Variants in LEKR1 observed in about 807,000 individuals in gnomAD.
LEKR1 encodes the protein protein LEKR1.
A neutral mutation model predicts 72.4 loss-of-function variants in LEKR1; 59 were observed. The observed-to-expected ratio is 0.82, with a 90% confidence interval of 0.66 to 1.01. The LOEUF (loss-of-function observed/expected upper bound fraction) is 1.01. LEKR1 is among the 50% of genes least tolerant of loss of function. The probability of loss-of-function intolerance (pLI) is 0.00; values close to 1 mark genes in which losing one functional copy is unlikely to be tolerated. For missense variants in LEKR1, 728 were observed against 759.2 expected (o/e 0.96, Z 0.48); for synonymous variants, 257 against 263.2 (o/e 0.98, Z 0.23).
chr3:157,017,962 A>G (rs9855738), intron 10 of LEKR1, among the ~76,000 whole-genome samples: 43,470 of 134,300 alleles, frequency 0.32, 8,468 homozygotes, highest in East Asian at 0.62. Context: ...AAAAAAAAAA[A>G]AAAAAAAAAA....
intron 5 of LEKR1, among the ~76,000 whole-genome samples, chr3:156,936,426 A>AACACACAC (rs561039357): frequency 1.3e-4 from 10 of 76,934 alleles, no homozygotes; most frequent in African/African-American, 5.6e-4. Flanking sequence ...GTACAATGAG[A>AACACACAC]ACACACACAC....
chr3:156,978,486 G>C (rs1729896967), intron 6 of LEKR1, among the ~76,000 whole-genome samples: 1 of 152,074 alleles, frequency 6.6e-6, no homozygotes, highest in South Asian at 2.1e-4. Flanking sequence ...CTGGGGCTGG[G>C]GTTCAGATCA....
At chr3:156,978,981 G>A (rs974203872) in intron 6 of LEKR1, among the ~76,000 whole-genome samples, 3 of 152,128 alleles carry the variant, frequency 2.0e-5, no homozygotes, top group African/African-American at 7.2e-5. Context: ...CAACAAATTG[G>A]GCCTGTCAAA....
At chr3:156,967,381 A>G (rs1314980335) in intron 6 of LEKR1, among the ~76,000 whole-genome samples, 1 of 152,216 alleles carries the variant, frequency 6.6e-6, no homozygotes, top group African/African-American at 2.4e-5. Context: ...CCTTGAAAAA[A>G]AATTAGACGA....
chr3:156,889,242 A>T (rs1720411321), intron 3 of LEKR1, among the ~76,000 whole-genome samples: 1 of 152,044 alleles, frequency 6.6e-6, no homozygotes, highest in Non-Finnish European at 1.5e-5. Context: ...TGATAGCAAG[A>T]ATTATACTAA....
intron 3 of LEKR1, among the ~76,000 whole-genome samples, chr3:156,909,991 A>G (rs1333414484): frequency 6.6e-6 from 1 of 152,142 alleles, no homozygotes; most frequent in Non-Finnish European, 1.5e-5. Context: ...AAGTTTTTAA[A>G]GATGTGAATC....
intron 3 of LEKR1, among the ~76,000 whole-genome samples, chr3:156,868,552 T>C (rs1560037562): frequency 6.6e-6 from 1 of 151,834 alleles, no homozygotes; most frequent in Non-Finnish European, 1.5e-5. Flanking sequence ...CTTACACAAA[T>C]TGGGGGTAGA....
intron 3 of LEKR1, among the ~76,000 whole-genome samples, chr3:156,914,620 G>A (rs1486194670): frequency 4.6e-5 from 7 of 152,056 alleles, no homozygotes; most frequent in African/African-American, 9.7e-5. Flanking sequence ...CTGCAAAGCC[G>A]CTGTCAATTT....
Position 157,028,087 on chromosome 3 carries a change from G to T in LEKR1, c.1369-16G>T. The T allele has an allele frequency of 6.6e-7, 1 of 1,515,282 alleles. No individual in the cohort carries two copies. Among genetic ancestry groups the T allele is most frequent in the South Asian group, 1.3e-5 (1 of 76,930 alleles). The allele number at this position is 1,515,282 out of a possible 1,614,324, so 93.9% of individuals were successfully genotyped here. ...GAAACTATCGCCTACAAGCTAATAT[G>T]AGATTTATCTTACAGATATCTGACT... On this transcript the variant is annotated splice_polypyrimidine_tract_variant and intron_variant, in intron 11 of 12. Transcript: ENST00000356539.
chr3:157,004,394 C>A lies in LEKR1; in HGVS notation c.1110-7019C>A, dbSNP rs148753349. Among the ~76,000 whole-genome samples, 387 of 152,194 alleles carry A rather than the reference C, an allele frequency of 2.5e-3. 4 individuals carry two copies. Among genetic ancestry groups the A allele is most frequent in the African/African-American group, 8.8e-3 (365 of 41,548 alleles). ...AATTATTGTTAAAGATGTCAATACC[C>A]CCTCTTAATAGCTGATAAAACAAGT... On this transcript the variant is annotated intron_variant, in intron 9 of 12. Transcript: ENST00000356539.
chr3:156,998,797 C>T (rs373191776), intron 9 of LEKR1, among the ~76,000 whole-genome samples: 9 of 152,164 alleles, frequency 5.9e-5, no homozygotes, highest in African/African-American at 2.2e-4. Flanking sequence ...TCCTCACCTG[C>T]ATTACATTAA....
intron 12 of LEKR1, among the ~76,000 whole-genome samples, chr3:157,029,602 A>G (rs1426814285): frequency 6.6e-6 from 1 of 152,180 alleles, no homozygotes; most frequent in African/African-American, 2.4e-5. Context: ...AATTAAGACA[A>G]AAAGATGATT....
intron 12 of LEKR1, among the ~76,000 whole-genome samples, chr3:157,030,781 A>T (rs1178283311): frequency 6.6e-6 from 1 of 152,138 alleles, no homozygotes; most frequent in Non-Finnish European, 1.5e-5. Flanking sequence ...CTAGGATGGG[A>T]TTGGCTTTCA....
At chr3:156,913,124 G>A (rs7651881) in intron 3 of LEKR1, among the ~76,000 whole-genome samples, 69 of 152,242 alleles carry the variant, frequency 4.5e-4, no homozygotes, top group Admixed American at 4.1e-3. Flanking sequence ...CTAGTTTGCC[G>A]TCTTGGAAAA....
chr3:156,979,293 A>C lies in LEKR1; in HGVS notation c.827+18A>C, dbSNP rs749764566. On this transcript the variant is annotated intron_variant, in intron 7 of 12. Transcript: ENST00000356539. ...ATGCTTATGTAAGATGGAGAATATT[A>C]AACAACTTATAACAGTGCTCTGTAG... The C allele has an allele frequency of 8.5e-7, 1 of 1,171,284 alleles. No homozygotes were observed. Among genetic ancestry groups the C allele is most frequent in the Non-Finnish European group, 1.1e-6 (1 of 885,314 alleles). The allele number at this position is 1,171,284 out of a possible 1,614,324, so 72.6% of individuals were successfully genotyped here.
chr3:156,960,960 C>T (rs1168411528), intron 6 of LEKR1, among the ~76,000 whole-genome samples: 1 of 152,158 alleles, frequency 6.6e-6, no homozygotes, highest in Admixed American at 6.5e-5. Context: ...TCTCAGAGGT[C>T]ATTGTGACCC....
chr3:156,992,231 G>A (rs903967081), intron 7 of LEKR1, among the ~76,000 whole-genome samples: 11 of 152,282 alleles, frequency 7.2e-5, no homozygotes, highest in South Asian at 4.1e-4. Context: ...AAAGACTGAC[G>A]ATTTCTCTAA....
chr3:156,849,196 A>G (rs571815010), intron 2 of LEKR1, among the ~76,000 whole-genome samples: 29 of 151,340 alleles, frequency 1.9e-4, no homozygotes, highest in Admixed American at 1.1e-3. Flanking sequence ...AATCCAACTT[A>G]CAAGGGATGT....
intron 2 of LEKR1, among the ~76,000 whole-genome samples, chr3:156,830,823 AAAGAGGTTTG>A (rs1305024790): frequency 6.6e-6 from 1 of 152,220 alleles, no homozygotes; most frequent in Non-Finnish European, 1.5e-5. Flanking sequence ...GTAATTTTTG[AAAGAGGTTTG>A]GCATAAAAAA....
Sources: gnomAD v4.1 joint callset for allele counts (sites outside exome capture counted in the v4.1 genomes callset) on GRCh38, gnomAD v4.1.1 for gene constraint, MANE v1.5 for transcripts, NCBI Gene and HGNC (gene_info 2026-07-23, HGNC 2026-07-21) for gene names.